VIRMA: variants seen among roughly 807,000 people sequenced by gnomAD.
The protein encoded by VIRMA is protein virilizer homolog.
Under a neutral mutation model 182.4 loss-of-function variants are expected in VIRMA, and 65 were observed. The observed-to-expected ratio is 0.36, with a 90% CI of 0.29 to 0.44. The LOEUF is 0.44. Ranked by LOEUF, VIRMA falls within the 20% of genes least tolerant of loss-of-function variation. The pLI is 1.00. For synonymous variants in VIRMA, 709 were observed against 743.1 expected (o/e 0.95, Z 0.75); for missense variants, 1,752 against 2,158.1 (o/e 0.81, Z 3.73).
At chr8:94,490,452 C>T (rs918409734) in intron 22 of VIRMA, among the ~76,000 whole-genome samples, 1 of 152,204 alleles carries the variant, frequency 6.6e-6, no homozygotes, top group Non-Finnish European at 1.5e-5. Flanking sequence ...AATATAAACA[C>T]AGATTCTCTT....
At chr8:94,515,235 T>G (rs1399017572) in intron 10 of VIRMA, among the ~76,000 whole-genome samples, 1 of 152,078 alleles carries the variant, frequency 6.6e-6, no homozygotes, top group Non-Finnish European at 1.5e-5. Context: ...TAGCTGGGAT[T>G]ACAGGCGCCT....
intron 19 of VIRMA, 57 bp downstream of exon 19, chr8:94,495,672 TAG>T (rs1813749719): frequency 2.7e-6 from 4 of 1,490,788 alleles, no homozygotes; most frequent in Non-Finnish European, 2.8e-6. Context: ...TGGCACCCCC[TAG>T]ACTACAGCCA....
rs1813778303 is a variant in VIRMA, at chr8:94,496,424, C to CCGTGATGTA, written c.4278_4286dup (p.Ser1428_Thr1430dup). Reference sequence around the variant, plus strand: ...ACTCTGCAGCATTAATACTCATCGTCCGTGATGTATGAGCTCCCTCTACTT... The same window carrying CCGTGATGTA: ...ACTCTGCAGCATTAATACTCATCGTCCGTGATGTACGTGATGTATGAGCTCCCTCTACTT... On this transcript the variant is annotated inframe_insertion, in exon 18 of 24. Transcript: ENST00000297591. 1 of 1,613,226 alleles carries CCGTGATGTA rather than the reference C, an allele frequency of 6.2e-7. No individual in the cohort carries two copies. Among genetic ancestry groups the CCGTGATGTA allele is most frequent in the Non-Finnish European group, 8.5e-7 (1 of 1,179,376 alleles).
chr8:94,493,802 T>C (rs529408586), intron 20 of VIRMA, among the ~76,000 whole-genome samples: 123 of 152,310 alleles, frequency 8.1e-4, no homozygotes, highest in Middle Eastern at 3.4e-3. Flanking sequence ...GTTTCTTTGA[T>C]AAAGAAAAGG....
chr8:94,535,375 C>A (rs934508095), intron 4 of VIRMA, among the ~76,000 whole-genome samples: 7 of 152,148 alleles, frequency 4.6e-5, no homozygotes, highest in Admixed American at 2.0e-4. Context: ...GGACCAAAAG[C>A]ACAAATGATG....
At position 94,534,962 on chromosome 8, in the gene VIRMA, T is replaced by A; in HGVS notation, c.361A>T (p.Thr121Ser). The change falls in exon 5 of 24, where the codon ACA (threonine) becomes TCA (serine). Residue 121 changes from threonine (T) to serine (S), a missense_variant. Thr to Ser is a moderately conservative substitution (Grantham distance 58). Transcript: ENST00000297591. ...LVLRGWYNCL[T>S]LAIYGSVDRV... ...TCCACTGATCCATATATTGCCAGTG[T>A]CAGACAGTTATACCAGCCTCTTAGC... 1 of 1,613,698 alleles carries A rather than the reference T, an allele frequency of 6.2e-7. No individual in the cohort carries two copies. The highest frequency in any genetic ancestry group is 2.2e-5 in the East Asian group (1 of 44,878).
chr8:94,490,205 G>T, intron 22 of VIRMA, 123 bp from the exon 23 acceptor site: 1 of 1,065,760 alleles, frequency 9.4e-7, no homozygotes, highest in Non-Finnish European at 1.3e-6. Flanking sequence ...CAAACTGACT[G>T]TACTATATAG....
intron 5 of VIRMA, among the ~76,000 whole-genome samples, chr8:94,533,266 A>T: frequency 6.6e-6 from 1 of 152,122 alleles, no homozygotes; most frequent in East Asian, 1.9e-4. Context: ...AGTACAGTGT[A>T]TGACCACCAT....
intron 5 of VIRMA, among the ~76,000 whole-genome samples, chr8:94,533,229 T>C (rs1414084622): frequency 6.6e-6 from 1 of 150,582 alleles, no homozygotes; most frequent in South Asian, 2.1e-4. Flanking sequence ...AAAGAGTAAC[T>C]ATGCTTAGCA....
intron 2 of VIRMA, among the ~76,000 whole-genome samples, chr8:94,542,043 C>T (rs1425833471): frequency 2.6e-5 from 4 of 152,122 alleles, no homozygotes; most frequent in Admixed American, 2.6e-4. Context: ...AGCTAATTGC[C>T]GAAATCCAGT....
chr8:94,541,962 C>G (rs775055117), intron 2 of VIRMA, among the ~76,000 whole-genome samples: 1 of 152,174 alleles, frequency 6.6e-6, no homozygotes, highest in Non-Finnish European at 1.5e-5. Flanking sequence ...TGAAAAGCCA[C>G]ACATCTCCAG....
At chr8:94,495,248 C>T (rs1211296723) in intron 19 of VIRMA, among the ~76,000 whole-genome samples, 1 of 152,154 alleles carries the variant, frequency 6.6e-6, no homozygotes, top group Admixed American at 6.5e-5. Context: ...AAGCTATCTT[C>T]CTGCCTCAGC....
intron 1 of VIRMA, among the ~76,000 whole-genome samples, chr8:94,552,487 AT>A (rs1816025356): frequency 6.6e-6 from 1 of 152,228 alleles, no homozygotes; most frequent in African/African-American, 2.4e-5. Flanking sequence ...CTTGATAAAA[AT>A]AAAAGGAAAA....
At chr8:94,549,409 T>C (rs971924175) in intron 1 of VIRMA, among the ~76,000 whole-genome samples, 1 of 152,228 alleles carries the variant, frequency 6.6e-6, no homozygotes, top group African/African-American at 2.4e-5. Flanking sequence ...AAAAGTGTTT[T>C]TCATAAATAA....
intron 10 of VIRMA, among the ~76,000 whole-genome samples, chr8:94,516,031 C>T (rs1480175717): frequency 6.6e-6 from 1 of 151,898 alleles, no homozygotes; most frequent in Non-Finnish European, 1.5e-5. Context: ...TCACTTGAAC[C>T]CGGGAGGAGG....
chr8:94,522,432 G>A (rs114803697), intron 8 of VIRMA, among the ~76,000 whole-genome samples: 6 of 152,234 alleles, frequency 3.9e-5, no homozygotes, highest in African/African-American at 1.4e-4. Context: ...AGTCCTCCTA[G>A]AGAATCTTGG....
intron 6 of VIRMA, among the ~76,000 whole-genome samples, chr8:94,530,336 C>T (rs1245643226): frequency 6.6e-6 from 1 of 151,720 alleles, no homozygotes; most frequent in Non-Finnish European, 1.5e-5. Flanking sequence ...GAAACTTCTT[C>T]TCTATAAAAA....
intron 20 of VIRMA, 78 bp from the exon 21 acceptor site, chr8:94,492,896 A>G: frequency 8.7e-7 from 1 of 1,155,112 alleles, no homozygotes; most frequent in Non-Finnish European, 1.2e-6. Context: ...AATTCTTATT[A>G]CCTATAAATT....
chr8:94,536,464 T>C (rs537105885), intron 4 of VIRMA, among the ~76,000 whole-genome samples: 1 of 152,348 alleles, frequency 6.6e-6, no homozygotes, highest in South Asian at 2.1e-4. Flanking sequence ...ATATGAAATA[T>C]GTACTTTTAA....
Sources: allele counts gnomAD v4.1 joint callset (sites outside exome capture counted in the v4.1 genomes callset), GRCh38; gene constraint gnomAD v4.1.1; transcripts MANE v1.5; gene names NCBI Gene and HGNC (gene_info 2026-07-23, HGNC 2026-07-21).